The following TLK1 variants were observed in gnomAD, a reference collection of about 807,000 sequenced individuals.
TLK1 encodes the protein serine/threonine-protein kinase tousled-like 1.
In TLK1, 24 loss-of-function variants were observed where a neutral mutation model predicts 105.3. The ratio of observed to expected loss-of-function variants is 0.23; its 90% CI spans 0.17 to 0.32. The LOEUF is 0.32. TLK1 is among the 10% of genes least tolerant of loss of function. The probability of loss-of-function intolerance (pLI) is 1.00; values close to 1 mark genes in which losing one functional copy is unlikely to be tolerated. For missense variants in TLK1, 558 were observed against 910.5 expected (o/e 0.61, Z 4.98); for synonymous variants, 321 against 310.4 (o/e 1.03, Z -0.36).
At chr2:171,172,017 C>G (rs749946552) in intron 1 of TLK1, among the ~76,000 whole-genome samples, 3 of 152,162 alleles carry the variant, frequency 2.0e-5, no homozygotes, top group Admixed American at 6.6e-5. Context: ...AAACTAGAAA[C>G]TATCTAAGTA....
At chr2:171,065,622 C>A (rs1346133621) in intron 3 of TLK1, among the ~76,000 whole-genome samples, 1 of 151,910 alleles carries the variant, frequency 6.6e-6, no homozygotes, top group Non-Finnish European at 1.5e-5. Flanking sequence ...ACTGCAAGCT[C>A]TGCCTCCTGG....
chr2:171,055,308 T>C (rs1426847398), intron 6 of TLK1, 136 bp from the exon 7 acceptor site: 5 of 566,806 alleles, frequency 8.8e-6, no homozygotes, highest in South Asian at 6.5e-5. Flanking sequence ...AATTGAAACA[T>C]AATTGACTTT....
At chr2:171,049,265 CTGAAACTAAAATAAAAGT>C (rs1243721748) in intron 10 of TLK1, among the ~76,000 whole-genome samples, 1 of 152,110 alleles carries the variant, frequency 6.6e-6, no homozygotes, top group Non-Finnish European at 1.5e-5. Context: ...TATATATTCC[CTGAAACTAAAATAAAAGT>C]TGAAATTAAA....
At chr2:171,126,974 C>T (rs1690892323) in intron 1 of TLK1, among the ~76,000 whole-genome samples, 1 of 151,550 alleles carries the variant, frequency 6.6e-6, no homozygotes, top group Non-Finnish European at 1.5e-5. Context: ...GTATCGAAAG[C>T]AAAAGAATTC....
At chr2:171,038,990 G>C (rs2676135) in intron 11 of TLK1, among the ~76,000 whole-genome samples, 4,025 of 151,892 alleles carry the variant, frequency 0.026, 150 homozygotes, top group African/African-American at 0.084. Context: ...TTTATCTTGA[G>C]GCCATGTTAT....
At chr2:171,038,023 CTTTA>C (rs1359551699) in intron 11 of TLK1, among the ~76,000 whole-genome samples, 1 of 152,194 alleles carries the variant, frequency 6.6e-6, no homozygotes, top group Non-Finnish European at 1.5e-5. Context: ...TACAGATTCA[CTTTA>C]TTTAATAGTT....
At chr2:171,054,005 A>G (rs1381175507) in intron 7 of TLK1, 152 bp from the exon 8 acceptor site, 5 of 541,374 alleles carry the variant, frequency 9.2e-6, no homozygotes, top group Middle Eastern at 5.0e-4. Context: ...TGCAGTTTTA[A>G]TAACTTCAAG....
At chr2:171,174,213 G>A (rs527704235) in intron 1 of TLK1, among the ~76,000 whole-genome samples, 16 of 152,156 alleles carry the variant, frequency 1.1e-4, no homozygotes, top group African/African-American at 3.9e-4. Flanking sequence ...GCAGCCACAC[G>A]AAAGTTATTA....
At chr2:171,010,917 T>C (rs1351143926) in intron 14 of TLK1, among the ~76,000 whole-genome samples, 1 of 152,172 alleles carries the variant, frequency 6.6e-6, no homozygotes. Context: ...GCAAGGACAG[T>C]CTTTGGATTC....
At chr2:171,137,786 T>C (rs957555440) in intron 1 of TLK1, among the ~76,000 whole-genome samples, 7 of 151,612 alleles carry the variant, frequency 4.6e-5, no homozygotes, top group Admixed American at 1.3e-4. Context: ...GAGGTGAAGG[T>C]TGCAGTGAGC....
intron 12 of TLK1, among the ~76,000 whole-genome samples, chr2:171,017,014 G>A (rs1034560598): frequency 7.9e-5 from 12 of 151,806 alleles, no homozygotes; most frequent in African/African-American, 2.2e-4. Flanking sequence ...TAACAGCTTC[G>A]GTCACATATA....
intron 1 of TLK1, among the ~76,000 whole-genome samples, chr2:171,118,474 G>A (rs1383873599): frequency 1.3e-5 from 2 of 152,080 alleles, no homozygotes; most frequent in Non-Finnish European, 2.9e-5. Context: ...ACGGTTGATA[G>A]TTTTAAGTTT....
intron 18 of TLK1, among the ~76,000 whole-genome samples, chr2:170,999,955 C>T (rs1411704435): frequency 6.6e-6 from 1 of 152,050 alleles, no homozygotes; most frequent in Non-Finnish European, 1.5e-5. Context: ...CAGACAGGGT[C>T]TTGCTATGTT....
At chr2:171,046,699 A>AT (rs1395534450) in intron 10 of TLK1, among the ~76,000 whole-genome samples, 4 of 152,196 alleles carry the variant, frequency 2.6e-5, no homozygotes, top group African/African-American at 9.6e-5. Flanking sequence ...ACTCCCTAAG[A>AT]ACACAGATGG....
rs370131370 is a variant in TLK1 at position 171,006,068 on chromosome 2, TAAAAA to T, written c.1904+74_1904+78del. 4 of 1,091,162 alleles carry T rather than the reference TAAAAA, an allele frequency of 3.7e-6. No individual in the cohort carries two copies. The East Asian group carries it at 1.3e-4, about 36-fold the overall frequency. The allele number at this position is 1,091,162 out of a possible 1,614,324, so 67.6% of individuals were successfully genotyped here. A position where few individuals can be genotyped will look rare whatever the true frequency, so the allele number is the denominator to read the frequency against. On this transcript the variant is annotated intron_variant, in intron 18 of 20. Transcript: ENST00000431350. ...AGTAATCTTAATGGCTACATGGAAA[TAAAAA>T]AAAAAACACTAAATTATTATAAAAG...
In TLK1 at chr2:170,992,486, A is replaced by T. The variant is rs1683825102; in HGVS notation, c.*1294T>A. On this transcript the variant is annotated 3_prime_UTR_variant, in exon 21 of 21. Transcript: ENST00000431350. The stretch of plus-strand genomic sequence containing the variant: ...GTTAGAAAACGTTCACATTTTAACA[A>T]ATCTGTACAAACCACAAGAAATTTG... 6.6e-6 allele frequency: 1 copy of T among 152,608 alleles called. No homozygotes were observed. Among genetic ancestry groups the T allele is most frequent in the Admixed American group, 6.5e-5 (1 of 15,270 alleles). The allele number at this position is 152,608 out of a possible 1,614,324, so 9.5% of individuals were successfully genotyped here.
chr2:171,124,656 A>G (rs1038491443), intron 1 of TLK1, among the ~76,000 whole-genome samples: 1 of 152,224 alleles, frequency 6.6e-6, no homozygotes, highest in Non-Finnish European at 1.5e-5. Context: ...ATAACCATAA[A>G]CTATGAACTC....
chr2:171,029,886 C>T (rs1249060534), intron 11 of TLK1, among the ~76,000 whole-genome samples: 2 of 152,242 alleles, frequency 1.3e-5, no homozygotes, highest in East Asian at 3.9e-4. Context: ...GCTGCGACTA[C>T]AGGCACACGC....
chr2:171,069,131 T>C (rs1169215670), intron 3 of TLK1, among the ~76,000 whole-genome samples: 1 of 152,202 alleles, frequency 6.6e-6, no homozygotes, highest in Non-Finnish European at 1.5e-5. Flanking sequence ...ATCTAAATAT[T>C]TCCAAAGAGT....
Sources: gnomAD v4.1 joint callset for allele counts (sites outside exome capture counted in the v4.1 genomes callset) on GRCh38, gnomAD v4.1.1 for gene constraint, MANE v1.5 for transcripts, NCBI Gene and HGNC (gene_info 2026-07-23, HGNC 2026-07-21) for gene names.